The following APAF1 variants were observed in gnomAD, a reference collection of about 807,000 sequenced individuals.
The protein encoded by APAF1 is apoptotic protease-activating factor 1.
In APAF1, 91 loss-of-function variants were observed where a neutral mutation model predicts 152.4. The observed-to-expected ratio is 0.60, with a 90% CI of 0.50 to 0.71. APAF1 has a LOEUF of 0.71. APAF1 is among the 30% of genes least tolerant of loss of function. The pLI, the probability that APAF1 is intolerant of heterozygous loss-of-function variation, is 0.00. For missense variants in APAF1, 1,283 were observed against 1,472.0 expected (o/e 0.87, Z 2.10); for synonymous variants, 484 against 494.1 (o/e 0.98, Z 0.27).
Position 98,735,291 on chromosome 12 carries a change from T to C in APAF1, c.*2725T>C. The stretch of plus-strand genomic sequence containing the variant: ...GGACTTCATATATATAATTTTTTTT[T>C]ACATTATATGTCTCTTGTATGTTTT... On this transcript the variant is annotated 3_prime_UTR_variant, in exon 27 of 27. Coordinates refer to ENST00000551964, the MANE Select transcript of APAF1 (RefSeq NM_181861.2). 1 of 399,644 alleles carries C rather than the reference T, an allele frequency of 2.5e-6. No homozygotes were observed. Among genetic ancestry groups the C allele is most frequent in the Middle Eastern group, 6.3e-4 (1 of 1,586 alleles). The allele number at this position is 399,644 out of a possible 1,614,324, so 24.8% of individuals were successfully genotyped here. A position where few individuals can be genotyped will look rare whatever the true frequency, so the allele number is the denominator to read the frequency against.
At chr12:98,713,524 A>T (rs2153339581) in intron 21 of APAF1, among the ~76,000 whole-genome samples, 1 of 152,318 alleles carries the variant, frequency 6.6e-6, no homozygotes, top group Middle Eastern at 3.4e-3. Context: ...GAAATCCTTA[A>T]TTTATCTAAC....
chr12:98,652,783 C>T (rs188021974), intron 4 of APAF1, among the ~76,000 whole-genome samples: 83 of 152,102 alleles, frequency 5.5e-4, no homozygotes, highest in South Asian at 1.9e-3. Flanking sequence ...CCCACCACCA[C>T]GCCTGGCTAA....
chr12:98,666,040 C>G, intron 8 of APAF1, 150 bp from the exon 9 acceptor site: 3 of 781,964 alleles, frequency 3.8e-6, no homozygotes, highest in South Asian at 3.2e-5. Flanking sequence ...TCTTTTCTAT[C>G]TTGAGGAGTA....
chr12:98,695,817 T>G (rs1052299598), intron 16 of APAF1, among the ~76,000 whole-genome samples: 10 of 152,338 alleles, frequency 6.6e-5, no homozygotes, highest in African/African-American at 2.4e-4. Flanking sequence ...CAGCACTTCC[T>G]GAGTCTTTTT....
At position 98,735,375 on chromosome 12, in the gene APAF1, A is replaced by AAAT. The variant is rs2097768168; in HGVS notation, c.*2811_*2813dup. ...TTTTTTTGCCTTGGTATACATTTTA[A>AAAT]AATATGAATTTAAAAAATTTTTGTA... On this transcript the variant is annotated 3_prime_UTR_variant, in exon 27 of 27. Transcript: ENST00000551964. The AAAT allele has an allele frequency of 4.6e-6, 2 of 431,010 alleles. No individual in the cohort carries two copies. The highest frequency in any genetic ancestry group is 8.2e-6 in the Non-Finnish European group (2 of 242,442). 26.7% of individuals were successfully genotyped at this position (431,010 alleles called of 1,614,324 possible).
At chr12:98,679,006 A>G (rs1593056967) in intron 13 of APAF1, among the ~76,000 whole-genome samples, 2 of 152,128 alleles carry the variant, frequency 1.3e-5, no homozygotes, top group South Asian at 4.1e-4. Context: ...GGGGCGGGTC[A>G]CCAATGAGGC....
chr12:98,709,174 C>T (rs374617395), intron 20 of APAF1, among the ~76,000 whole-genome samples: 1 of 152,178 alleles, frequency 6.6e-6, no homozygotes, highest in East Asian at 1.9e-4. Flanking sequence ...TGAAGTACAC[C>T]TGTTCATTTA....
In APAF1 at chr12:98,725,432, C is replaced by G; in HGVS notation, c.3348C>G (p.Leu1116=). The G allele has an allele frequency of 6.2e-7, 1 of 1,614,064 alleles. No individual in the cohort carries two copies. Among genetic ancestry groups the G allele is most frequent in the Non-Finnish European group, 8.5e-7 (1 of 1,179,998 alleles). The part of the protein sequence containing the change: ...DKTAKIWSFD[L]LLPLHELRGH... ...CCTTCCAGATCTGGAGTTTTGATCT[C>G]CTTTTGCCACTTCATGAATTGAGGG... The change falls in exon 25 of 27, where the codon CTC becomes CTG. Residue 1116 remains leucine, a synonymous_variant. Coordinates refer to ENST00000551964, the MANE Select transcript of APAF1 (RefSeq NM_181861.2).
At chr12:98,682,942 C>T (rs1257640954) in intron 14 of APAF1, among the ~76,000 whole-genome samples, 1 of 151,994 alleles carries the variant, frequency 6.6e-6, no homozygotes. Flanking sequence ...TGTATATTTG[C>T]AAATAATTTT....
At chr12:98,675,200 A>T (rs961625794) in intron 12 of APAF1, among the ~76,000 whole-genome samples, 1 of 152,202 alleles carries the variant, frequency 6.6e-6, no homozygotes, top group Non-Finnish European at 1.5e-5. Flanking sequence ...TTAGGTTGGT[A>T]TAAGCTTAAA....
chr12:98,706,554 A>C lies in APAF1; in HGVS notation c.2665A>C (p.Met889Leu). 6.2e-7 allele frequency: 1 copy of C among 1,614,024 alleles called. No individual in the cohort carries two copies. The highest frequency in any genetic ancestry group is 8.5e-7 in the Non-Finnish European group (1 of 1,179,924). ...RGHLSWVHGVMFSPDGSSFLT... is the reference protein window; with the variant it reads ...RGHLSWVHGVLFSPDGSSFLT... The stretch of plus-strand genomic sequence containing the variant: ...ACATTTAAGTTGGGTTCATGGTGTG[A>C]TGTTTTCTCCTGATGGATCATCATT... Residue 889 changes from methionine (M) to leucine (L), a missense_variant, in exon 19 of 27, where the codon ATG becomes CTG. Met to Leu is a conservative substitution (Grantham distance 15). Coordinates refer to ENST00000551964, the MANE Select transcript of APAF1 (RefSeq NM_181861.2).
intron 5 of APAF1, among the ~76,000 whole-genome samples, chr12:98,662,147 CTTT>C (rs575642787): frequency 1.4e-4 from 15 of 110,442 alleles, no homozygotes; most frequent in Admixed American, 2.7e-4. Context: ...GTAATGGTCG[CTTT>C]TTTTTTTTTT....
At chr12:98,665,097 A>G (rs2097670431) in intron 7 of APAF1, among the ~76,000 whole-genome samples, 3 of 148,706 alleles carry the variant, frequency 2.0e-5, no homozygotes, top group African/African-American at 7.4e-5. Context: ...TGGTGCTGTC[A>G]TGGCTCACCG....
At chr12:98,701,926 G>A (rs574694082) in intron 17 of APAF1, among the ~76,000 whole-genome samples, 19 of 152,202 alleles carry the variant, frequency 1.2e-4, no homozygotes, top group Admixed American at 1.2e-3. Flanking sequence ...AAGTTTCCTC[G>A]ATCACTGTCA....
intron 18 of APAF1, among the ~76,000 whole-genome samples, chr12:98,703,802 C>T (rs2097718370): frequency 6.6e-6 from 1 of 152,158 alleles, no homozygotes; most frequent in Non-Finnish European, 1.5e-5. Context: ...TGAAACATGA[C>T]ATCTCTTATC....
chr12:98,721,148 A>G (rs1483146355), intron 22 of APAF1, among the ~76,000 whole-genome samples: 4 of 152,228 alleles, frequency 2.6e-5, no homozygotes, highest in African/African-American at 7.2e-5. Flanking sequence ...AGGTTATTCA[A>G]TTAGCACAGT....
At chr12:98,724,962 G>A (rs2097748305) in intron 24 of APAF1, among the ~76,000 whole-genome samples, 1 of 152,214 alleles carries the variant, frequency 6.6e-6, no homozygotes, top group Non-Finnish European at 1.5e-5. Context: ...AAGATTACTT[G>A]TCACATGCTA....
intron 12 of APAF1, among the ~76,000 whole-genome samples, chr12:98,674,646 G>A (rs2097684671): frequency 6.6e-6 from 1 of 152,208 alleles, no homozygotes; most frequent in Non-Finnish European, 1.5e-5. Flanking sequence ...ACATACCCTG[G>A]CTCTAGACTG....
chr12:98,725,540 G>A lies in APAF1; in HGVS notation c.3456G>A (p.Arg1152=), dbSNP rs1410925728. ...CGGGAGATGACAATGGAGAAATCAG[G>A]GTAGGCTGTTTGCTGACATGAGAGC... The part of the protein sequence containing the change: ...LATGDDNGEI[R]IWNVSNGELL... The change falls in exon 25 of 27, where the codon AGG becomes AGA. Residue 1152 remains arginine, a splice_region_variant and synonymous_variant. Coordinates refer to ENST00000551964, the MANE Select transcript of APAF1 (RefSeq NM_181861.2). 2.5e-6 allele frequency: 4 copies of A among 1,613,972 alleles called. No individual in the cohort carries two copies. The African/African-American group carries it at 4.0e-5, about 16-fold the overall frequency.
Sources: gnomAD v4.1 joint callset for allele counts (sites outside exome capture counted in the v4.1 genomes callset) on GRCh38, gnomAD v4.1.1 for gene constraint, MANE v1.5 for transcripts, NCBI Gene and HGNC (gene_info 2026-07-23, HGNC 2026-07-21) for gene names.